Variants in FBXL17 observed in about 807,000 individuals in gnomAD.
The protein encoded by FBXL17 is F-box/LRR-repeat protein 17.
Under a neutral mutation model 66.2 loss-of-function variants are expected in FBXL17, and 22 were observed. The observed-to-expected ratio is 0.33, with a 90% CI of 0.24 to 0.47. The LOEUF (loss-of-function observed/expected upper bound fraction) is 0.47, where lower values mean the gene tolerates loss of function less well. Ranked by LOEUF, FBXL17 falls within the 20% of genes least tolerant of loss-of-function variation. FBXL17 has a pLI of 1.00. For missense variants in FBXL17, 878 were observed against 948.2 expected (o/e 0.93, Z 0.97); for synonymous variants, 474 against 400.5 (o/e 1.18, Z -2.19).
chr5:107,950,884 A>C (rs1751478891), intron 7 of FBXL17, among the ~76,000 whole-genome samples: 1 of 152,254 alleles, frequency 6.6e-6, no homozygotes, highest in South Asian at 2.1e-4. Flanking sequence ...TAACAACATC[A>C]CAGAGAGATT....
chr5:108,088,454 C>G (rs1226772921), intron 6 of FBXL17, among the ~76,000 whole-genome samples: 4 of 152,022 alleles, frequency 2.6e-5, no homozygotes, highest in Non-Finnish European at 5.9e-5. Context: ...TACTTTCCAG[C>G]ACTCTGGGAG....
rs182016232 is a variant in FBXL17 at position 108,175,610 on chromosome 5, G to A, written c.1745+10507C>T. Among the ~76,000 whole-genome samples the A allele has an allele frequency of 8.2e-3, 1,246 of 152,206 alleles. 21 individuals carry two copies. The highest frequency in any genetic ancestry group is 0.028 in the African/African-American group (1,178 of 41,540). ...TAAAACCTTTCCATTTTCATGAAGC[G>A]TAAAGGTTCAAGCTGAAAGTATTCT... On this transcript the variant is annotated intron_variant, in intron 6 of 8. Transcript: ENST00000542267.
chr5:107,920,494 C>G (rs1381904727), intron 7 of FBXL17, among the ~76,000 whole-genome samples: 1 of 151,922 alleles, frequency 6.6e-6, no homozygotes, highest in African/African-American at 2.4e-5. Context: ...TTATGGTGGC[C>G]AGAAAGAGTT....
intron 4 of FBXL17, among the ~76,000 whole-genome samples, chr5:108,332,451 T>C (rs1760167847): frequency 6.6e-6 from 1 of 152,150 alleles, no homozygotes; most frequent in Non-Finnish European, 1.5e-5. Context: ...ACTCCAATCT[T>C]TTTAAACAAA....
At chr5:108,208,044 G>A (rs1234584905) in intron 5 of FBXL17, among the ~76,000 whole-genome samples, 2 of 152,154 alleles carry the variant, frequency 1.3e-5, no homozygotes, top group Non-Finnish European at 2.9e-5. Flanking sequence ...TTGTGGTTTT[G>A]ATTTACATTT....
chr5:108,171,517 G>A (rs1752605444), intron 6 of FBXL17, among the ~76,000 whole-genome samples: 1 of 152,104 alleles, frequency 6.6e-6, no homozygotes, highest in Admixed American at 6.5e-5. Flanking sequence ...ATAACTTAAT[G>A]AATGAAAAAC....
In FBXL17 at chr5:108,012,753, T is replaced by C. The variant is rs1021250400; in HGVS notation, c.1822+8172A>G. Among the ~76,000 whole-genome samples the C allele has an allele frequency of 3.7e-4, 57 of 152,290 alleles. 2 individuals are homozygous for C. The highest frequency in any genetic ancestry group is 1.3e-3 in the African/African-American group (52 of 41,570). On this transcript the variant is annotated intron_variant, in intron 7 of 8. Coordinates refer to ENST00000542267, the MANE Select transcript of FBXL17 (RefSeq NM_001163315.3). ...CTAGCTGGCTGGGTGTGGTGGCTCATGCCTGTAATCCCAGCACTTTGGGAG... is the reference window on the plus strand; with the variant it reads ...CTAGCTGGCTGGGTGTGGTGGCTCACGCCTGTAATCCCAGCACTTTGGGAG...
intron 7 of FBXL17, among the ~76,000 whole-genome samples, chr5:108,013,721 C>A (rs748885149): frequency 1.3e-5 from 2 of 152,104 alleles, no homozygotes; most frequent in Admixed American, 1.3e-4. Flanking sequence ...AAATAAAAAA[C>A]CAGTCTAGAA....
At chr5:107,999,963 T>C (rs185034738) in intron 7 of FBXL17, among the ~76,000 whole-genome samples, 140 of 152,192 alleles carry the variant, frequency 9.2e-4, no homozygotes, top group Non-Finnish European at 1.6e-3. Flanking sequence ...AAAGACAAGG[T>C]GGGTAGAAAC....
chr5:107,889,920 T>G (rs1285456415), intron 7 of FBXL17, among the ~76,000 whole-genome samples: 2 of 152,174 alleles, frequency 1.3e-5, no homozygotes, highest in Non-Finnish European at 2.9e-5. Flanking sequence ...TAACATATAT[T>G]TAACAGGAAC....
chr5:108,216,809 A>G (rs1839224), intron 5 of FBXL17, among the ~76,000 whole-genome samples: 58,537 of 151,890 alleles, frequency 0.39, 11,929 homozygotes, highest in African/African-American at 0.52. Context: ...ACGGGGTGTT[A>G]TACCTAGAGA....
chr5:108,326,297 TAGGC>T (rs1759848596), intron 4 of FBXL17, among the ~76,000 whole-genome samples: 1 of 151,062 alleles, frequency 6.6e-6, no homozygotes, highest in Admixed American at 6.6e-5. Flanking sequence ...TAAAAAAAAA[TAGGC>T]AGAAGATTTG....
intron 6 of FBXL17, among the ~76,000 whole-genome samples, chr5:108,154,373 C>T (rs1367618811): frequency 6.7e-6 from 1 of 149,894 alleles, no homozygotes; most frequent in African/African-American, 2.5e-5. Flanking sequence ...GCAGGCGGAT[C>T]ACCTGAGGTC....
chr5:108,163,064 GTCA>G (rs1357666389), intron 6 of FBXL17, among the ~76,000 whole-genome samples: 1 of 152,104 alleles, frequency 6.6e-6, no homozygotes, highest in Non-Finnish European at 1.5e-5. Context: ...TCAGAAAAAA[GTCA>G]TCTAGTACCA....
intron 4 of FBXL17, among the ~76,000 whole-genome samples, chr5:108,295,836 A>C (rs889427423): frequency 3.9e-5 from 6 of 151,918 alleles, no homozygotes; most frequent in Non-Finnish European, 7.4e-5. Flanking sequence ...AACTGGAACA[A>C]GACTATAAAG....
chr5:108,356,635 A>G (rs1313476147), intron 3 of FBXL17, among the ~76,000 whole-genome samples: 3 of 152,088 alleles, frequency 2.0e-5, no homozygotes, highest in Admixed American at 6.6e-5. Flanking sequence ...TACAAAGACA[A>G]TAAAAACATC....
intron 6 of FBXL17, among the ~76,000 whole-genome samples, chr5:108,035,602 G>C (rs575199653): frequency 1.3e-5 from 2 of 152,078 alleles, no homozygotes; most frequent in South Asian, 2.1e-4. Flanking sequence ...CCCAACCTCA[G>C]GTGATCCACC....
intron 6 of FBXL17, among the ~76,000 whole-genome samples, chr5:108,102,445 G>C (rs560447439): frequency 1.3e-5 from 2 of 152,242 alleles, no homozygotes; most frequent in South Asian, 4.1e-4. Context: ...TTTTAATTCT[G>C]ATTTCACCAC....
chr5:108,223,030 T>A (rs1754940124), intron 5 of FBXL17, among the ~76,000 whole-genome samples: 1 of 152,128 alleles, frequency 6.6e-6, no homozygotes, highest in Admixed American at 6.6e-5. Context: ...GTGGTCTCTA[T>A]TCTGAATCAA....
Sources: allele counts gnomAD v4.1 joint callset (sites outside exome capture counted in the v4.1 genomes callset), GRCh38; gene constraint gnomAD v4.1.1; transcripts MANE v1.5; gene names NCBI Gene and HGNC (gene_info 2026-07-23, HGNC 2026-07-21).